ALG9: variants seen among roughly 807,000 people sequenced by gnomAD.
ALG9 encodes ALG9 alpha-1,2-mannosyltransferase.
In ALG9, 55 loss-of-function variants were observed where a neutral mutation model predicts 81.8. The ratio of observed to expected loss-of-function variants is 0.67; its 90% CI spans 0.54 to 0.84. ALG9 has a LOEUF of 0.84. ALG9 is among the 40% of genes least tolerant of loss of function. The probability of loss-of-function intolerance (pLI) is 0.00; values close to 1 mark genes in which losing one functional copy is unlikely to be tolerated. For synonymous variants in ALG9, 278 were observed against 274.3 expected, an observed-to-expected ratio of 1.01 and a Z score of -0.13; for missense variants, 629 against 745.0, an observed-to-expected ratio of 0.84 and a Z score of 1.81.
At chr11:111,801,726 T>C (rs1949149248) in intron 14 of ALG9, among the ~76,000 whole-genome samples, 1 of 152,228 alleles carries the variant, frequency 6.6e-6, no homozygotes, top group Non-Finnish European at 1.5e-5. Flanking sequence ...AATGATTCTT[T>C]CCTTCTCAAC....
At chr11:111,829,638 A>G (rs1555111842) in intron 13 of ALG9, among the ~76,000 whole-genome samples, 1 of 152,224 alleles carries the variant, frequency 6.6e-6, no homozygotes, top group East Asian at 1.9e-4. Flanking sequence ...CCTGAAACAG[A>G]GGTTGAGATC....
chr11:111,769,177 G>A, the ALG9 span: 1 of 150,582 alleles, frequency 6.6e-6, no homozygotes, highest in Admixed American at 6.6e-5. Context: ...AGGACGTGGT[G>A]GTGTGCACCT....
At chr11:111,821,356 C>T (rs1329841069) in intron 13 of ALG9, among the ~76,000 whole-genome samples, 1 of 152,146 alleles carries the variant, frequency 6.6e-6, no homozygotes, top group Non-Finnish European at 1.5e-5. Flanking sequence ...CAGAGCAGCA[C>T]CAAAAGCCAG....
intron 1 of ALG9, 89 bp downstream of exon 1, chr11:111,871,263 A>T (rs1043670989): frequency 3.0e-6 from 4 of 1,332,964 alleles, no homozygotes; most frequent in African/African-American, 3.1e-5. Flanking sequence ...GGCCGGACTG[A>T]GCCCCGCGCG....
intron 13 of ALG9, among the ~76,000 whole-genome samples, chr11:111,817,706 T>C (rs1339353945): frequency 2.0e-5 from 3 of 151,618 alleles, no homozygotes; most frequent in African/African-American, 7.3e-5. Context: ...CACCTGCCTC[T>C]ACATCACCTT....
intron 13 of ALG9, among the ~76,000 whole-genome samples, chr11:111,815,800 G>T (rs1468341242): frequency 1.3e-5 from 2 of 152,108 alleles, no homozygotes; most frequent in African/African-American, 4.8e-5. Flanking sequence ...AACTGTAAAG[G>T]ACTATAAAAA....
chr11:111,788,993 T>C (rs1364553430), intron 14 of ALG9, among the ~76,000 whole-genome samples: 2 of 149,810 alleles, frequency 1.3e-5, no homozygotes, highest in African/African-American at 4.9e-5. Flanking sequence ...GACCCAATTT[T>C]AGTTTTCAAC....
At chr11:111,807,388 G>C (rs933939962) in intron 14 of ALG9, among the ~76,000 whole-genome samples, 7 of 152,064 alleles carry the variant, frequency 4.6e-5, no homozygotes, top group African/African-American at 1.4e-4. Context: ...TGTCCACATG[G>C]TTAATGCCCT....
the ALG9 span, among the ~76,000 whole-genome samples, chr11:111,776,123 A>AG: frequency 6.6e-6 from 1 of 152,296 alleles, no homozygotes; most frequent in East Asian, 1.9e-4. Flanking sequence ...CCAGGAGCCT[A>AG]GGTGGGAGGA....
intron 14 of ALG9, among the ~76,000 whole-genome samples, chr11:111,790,445 C>G (rs186964407): frequency 6.6e-6 from 1 of 152,164 alleles, no homozygotes; most frequent in Non-Finnish European, 1.5e-5. Flanking sequence ...CCTGGGCAAA[C>G]ACAGCAAAAC....
At chr11:111,852,917 G>A (rs1312287588) in intron 8 of ALG9, among the ~76,000 whole-genome samples, 2 of 148,680 alleles carry the variant, frequency 1.3e-5, no homozygotes, top group African/African-American at 5.0e-5. Context: ...ACTCCAGCCT[G>A]GGCAACAAGA....
intron 9 of ALG9, among the ~76,000 whole-genome samples, chr11:111,841,409 T>C (rs1956191635): frequency 6.6e-6 from 1 of 152,202 alleles, no homozygotes; most frequent in Non-Finnish European, 1.5e-5. Context: ...TTCTCTCCAT[T>C]TTGCAATACT....
At chr11:111,791,456 A>G (rs1565594651) in intron 14 of ALG9, among the ~76,000 whole-genome samples, 2 of 152,222 alleles carry the variant, frequency 1.3e-5, no homozygotes, top group East Asian at 1.9e-4. Context: ...CTAAGCAGGA[A>G]AAGCAACTTG....
chr11:111,769,186 C>T, the ALG9 span: 1 of 150,690 alleles, frequency 6.6e-6, no homozygotes, highest in African/African-American at 2.5e-5. Context: ...TGGTGTGCAC[C>T]TATAGTCCCA....
intron 5 of ALG9, 129 bp downstream of exon 5, chr11:111,860,418 T>C: frequency 1.2e-6 from 1 of 800,764 alleles, no homozygotes; most frequent in Non-Finnish European, 2.2e-6. Context: ...TCTACAAATA[T>C]AACCTACATT....
chr11:111,774,100 C>T, the ALG9 span, among the ~76,000 whole-genome samples: 1 of 144,332 alleles, frequency 6.9e-6, no homozygotes, highest in Admixed American at 7.1e-5. Context: ...AAAAGCAGCA[C>T]GGAGGCCGGG....
intron 10 of ALG9, 113 bp from the exon 11 acceptor site, chr11:111,838,512 G>A (rs1327628494): frequency 1.1e-6 from 1 of 919,614 alleles, no homozygotes; most frequent in Non-Finnish European, 1.7e-6. Flanking sequence ...TTTGCCAACA[G>A]TGAGGTACCT....
In ALG9 at chr11:111,871,512, C is replaced by T. The variant is rs886047685; in HGVS notation, c.-30G>A. The T allele has an allele frequency of 1.8e-4, 284 of 1,535,818 alleles. No individual in the cohort carries two copies. The highest frequency in any genetic ancestry group is 2.4e-4 in the Non-Finnish European group (276 of 1,146,480). On this transcript the variant is annotated 5_prime_UTR_variant, in exon 1 of 15. In the 5' UTR this introduces an upstream ATG that the reference lacks. Coordinates refer to ENST00000616540, the MANE Select transcript of ALG9 (RefSeq NM_024740.2). ...AGCCTGGGGAAAAAAGAATTCGGCACCCTATGAAGTCGGTGAGCGCGCAGA... is the reference window on the plus strand; with the variant it reads ...AGCCTGGGGAAAAAAGAATTCGGCATCCTATGAAGTCGGTGAGCGCGCAGA...
In ALG9 at chr11:111,862,311, G is replaced by C. The variant is rs539703541; in HGVS notation, c.477-1676C>G. The stretch of plus-strand genomic sequence containing the variant: ...TGCAATGGGGTGATCTTGGCTCACT[G>C]CAATTTCCGTCTCTTGAGTTCAAGT... On this transcript the variant is annotated intron_variant, in intron 4 of 14. Coordinates refer to ENST00000616540, the MANE Select transcript of ALG9 (RefSeq NM_024740.2). Among the ~76,000 whole-genome samples the C allele has an allele frequency of 2.0e-5, 3 of 148,362 alleles. No individual in the cohort carries two copies. The South Asian group carries it at 6.3e-4, about 31-fold the overall frequency.
Sources: allele counts gnomAD v4.1 joint callset (sites outside exome capture counted in the v4.1 genomes callset), GRCh38; gene constraint gnomAD v4.1.1; transcripts MANE v1.5; gene names NCBI Gene and HGNC (gene_info 2026-07-23, HGNC 2026-07-21).